Variants in RGS7 observed in about 807,000 individuals in gnomAD.
RGS7 encodes regulator of G protein signaling 7, also known as regulator of G-protein signaling 7.
RGS7 carries 27 observed loss-of-function variants against 81.1 expected under a neutral mutation model. That is an observed-to-expected ratio of 0.33 (90% CI 0.25 to 0.46). The LOEUF (loss-of-function observed/expected upper bound fraction) is 0.46. Among genes scored for constraint, RGS7 ranks in the 20% least tolerant of loss-of-function variants. The pLI, the probability that RGS7 is intolerant of heterozygous loss-of-function variation, is 1.00. For synonymous variants in RGS7, 208 were observed against 207.7 expected (o/e 1.00, Z -0.01); for missense variants, 396 against 607.4 (o/e 0.65, Z 3.66).
chr1:240,918,623 T>C (rs1256387333), intron 6 of RGS7, among the ~76,000 whole-genome samples: 2 of 152,108 alleles, frequency 1.3e-5, no homozygotes, highest in African/African-American at 4.8e-5. Flanking sequence ...GTTGAATGCA[T>C]ATATTAGAAT....
At chr1:240,853,627 C>T (rs779317291) in intron 9 of RGS7, among the ~76,000 whole-genome samples, 1 of 152,026 alleles carries the variant, frequency 6.6e-6, no homozygotes, top group African/African-American at 2.4e-5. Flanking sequence ...ATGTTCTGGC[C>T]GGGCGCAGTG....
At chr1:241,097,400 A>G (rs980475372) in intron 3 of RGS7, among the ~76,000 whole-genome samples, 1 of 152,096 alleles carries the variant, frequency 6.6e-6, no homozygotes, top group Admixed American at 6.5e-5. Context: ...CCTCAGCTCC[A>G]AGCTCCCTCT....
chr1:241,089,771 A>C (rs1372377569), intron 3 of RGS7, among the ~76,000 whole-genome samples: 1 of 152,026 alleles, frequency 6.6e-6, no homozygotes, highest in African/African-American at 2.4e-5. Context: ...TTTGGGAGGA[A>C]GAGGTGGGCA....
In RGS7 at chr1:240,887,470, T is replaced by C. The variant is rs1420009910; in HGVS notation, c.386-17351A>G. On this transcript the variant is annotated intron_variant, in intron 6 of 18. Coordinates refer to ENST00000440928, the MANE Select transcript of RGS7 (RefSeq NM_001364886.1). ...GTCTCAATCTCCTGACTTCGTGATCTGCCCGCCTCGGCCTCCCAAAGTCCT... is the reference window on the plus strand; with the variant it reads ...GTCTCAATCTCCTGACTTCGTGATCCGCCCGCCTCGGCCTCCCAAAGTCCT... Among the ~76,000 whole-genome samples, 6 of 152,072 alleles carry C rather than the reference T, an allele frequency of 3.9e-5. 1 individual carries two copies. In the East Asian group the frequency reaches 1.2e-3, roughly 29 times the overall value.
In RGS7 at chr1:240,868,198, G is replaced by A. The variant is rs1390087094; in HGVS notation, c.609+389C>T. ...AGGACGAAGGAAGGAAGGAAGGAAC[G>A]AAGGAACGAAGGGAGGGAAGGAAAA... On this transcript the variant is annotated intron_variant, in intron 9 of 18. Coordinates refer to ENST00000440928, the MANE Select transcript of RGS7 (RefSeq NM_001364886.1). The surrounding 1 kb of genome is among the most constrained non-coding windows in gnomAD (Gnocchi z 5.1). 1.3e-5 allele frequency among the ~76,000 whole-genome samples: 2 copies of A among 149,904 alleles called. No individual in the cohort carries two copies. The highest frequency in any genetic ancestry group is 4.2e-4 in the South Asian group (2 of 4,780).
At chr1:240,782,932 A>C (rs1684376069) in intron 18 of RGS7, among the ~76,000 whole-genome samples, 1 of 152,350 alleles carries the variant, frequency 6.6e-6, no homozygotes, top group South Asian at 2.1e-4. Context: ...TATAGTGGAA[A>C]CAAATCTATA....
chr1:241,000,347 T>C (rs570607470), intron 3 of RGS7, among the ~76,000 whole-genome samples: 21 of 152,298 alleles, frequency 1.4e-4, no homozygotes, highest in Non-Finnish European at 3.1e-4. Flanking sequence ...ATTTCTACTA[T>C]TTTGATTATG....
At chr1:240,912,272 A>C (rs1330923535) in intron 6 of RGS7, among the ~76,000 whole-genome samples, 1 of 152,056 alleles carries the variant, frequency 6.6e-6, no homozygotes, top group East Asian at 1.9e-4. Flanking sequence ...ATTATTTAAA[A>C]TGTAGTTGGA....
At chr1:241,078,971 T>G (rs990497013) in intron 3 of RGS7, among the ~76,000 whole-genome samples, 13 of 152,188 alleles carry the variant, frequency 8.5e-5, no homozygotes, top group African/African-American at 2.7e-4. Flanking sequence ...AATGAGAATA[T>G]CCAATCTTCT....
At chr1:241,212,601 T>C (rs550589064) in intron 2 of RGS7, among the ~76,000 whole-genome samples, 11 of 152,298 alleles carry the variant, frequency 7.2e-5, no homozygotes, top group African/African-American at 2.4e-4. Context: ...TAGTACTCAG[T>C]TGCATCTGAC....
intron 10 of RGS7, among the ~76,000 whole-genome samples, chr1:240,825,363 C>A (rs1255932033): frequency 6.6e-6 from 1 of 152,164 alleles, no homozygotes; most frequent in Non-Finnish European, 1.5e-5. Flanking sequence ...AGTCGGATAA[C>A]CTTCCATGTA....
chr1:241,067,774 C>T (rs1435630384), intron 3 of RGS7, among the ~76,000 whole-genome samples: 1 of 152,038 alleles, frequency 6.6e-6, no homozygotes, highest in African/African-American at 2.4e-5. Context: ...CTCGGCCTCC[C>T]AAAGTGCTGG....
At chr1:241,138,606 G>C (rs1392899206) in intron 2 of RGS7, among the ~76,000 whole-genome samples, 1 of 152,188 alleles carries the variant, frequency 6.6e-6, no homozygotes, top group Non-Finnish European at 1.5e-5. Context: ...TTAAGAGTTT[G>C]AGAATTAAGG....
At chr1:241,355,245 C>T (rs1003504338) in intron 2 of RGS7, among the ~76,000 whole-genome samples, 6 of 152,200 alleles carry the variant, frequency 3.9e-5, no homozygotes, top group African/African-American at 1.4e-4. Flanking sequence ...TAGTAAACCA[C>T]ATACATTTAC....
intron 2 of RGS7, among the ~76,000 whole-genome samples, chr1:241,268,117 T>C (rs2077685501): frequency 6.6e-6 from 1 of 152,182 alleles, no homozygotes; most frequent in Admixed American, 6.5e-5. Flanking sequence ...GAGAGCTTTT[T>C]TATTGGGACA....
At chr1:240,815,787 T>C (rs1690703185) in intron 11 of RGS7, among the ~76,000 whole-genome samples, 1 of 152,124 alleles carries the variant, frequency 6.6e-6, no homozygotes, top group African/African-American at 2.4e-5. Flanking sequence ...TCAACACCAT[T>C]GATCAAATGC....
intron 4 of RGS7, among the ~76,000 whole-genome samples, chr1:240,977,175 A>G (rs545292646): frequency 2.0e-5 from 3 of 151,022 alleles, no homozygotes; most frequent in Admixed American, 6.6e-5. Context: ...AACCTTGATG[A>G]GTACTAAATT....
chr1:241,148,051 C>CTTTTTTTTTT (rs58632066), intron 2 of RGS7, among the ~76,000 whole-genome samples: 4 of 108,494 alleles, frequency 3.7e-5, no homozygotes, highest in South Asian at 3.2e-4. Flanking sequence ...TTTTCTTTTT[C>CTTTTTTTTTT]TTTTTTTTTT....
intron 9 of RGS7, among the ~76,000 whole-genome samples, chr1:240,856,912 A>G (rs1277001108): frequency 2.0e-5 from 3 of 152,208 alleles, no homozygotes; most frequent in Non-Finnish European, 4.4e-5. Context: ...CATGTCAAGA[A>G]TGAATCTACC....
Sources: allele counts gnomAD v4.1 joint callset (sites outside exome capture counted in the v4.1 genomes callset), GRCh38; gene constraint gnomAD v4.1.1; non-coding constraint Gnocchi (gnomAD v3.1); transcripts MANE v1.5; gene names NCBI Gene and HGNC (gene_info 2026-07-23, HGNC 2026-07-21).